Variants in AK7 observed in about 807,000 individuals in gnomAD.
AK7 encodes adenylate kinase 7.
Under a neutral mutation model 96.6 loss-of-function variants are expected in AK7, and 78 were observed. The ratio of observed to expected loss-of-function variants is 0.81; its 90% CI spans 0.67 to 0.97. The LOEUF is 0.97. AK7 is among the 50% of genes least tolerant of loss of function. AK7 has a pLI of 0.00. For missense variants in AK7, 855 were observed against 887.9 expected, an observed-to-expected ratio of 0.96 and a Z score of 0.47; for synonymous variants, 302 against 317.2, an observed-to-expected ratio of 0.95 and a Z score of 0.51.
At chr14:96,471,030 T>C (rs1362856917) in intron 12 of AK7, among the ~76,000 whole-genome samples, 2 of 152,176 alleles carry the variant, frequency 1.3e-5, no homozygotes, top group Admixed American at 1.3e-4. Context: ...TCACATCATG[T>C]TCAAAGTACA....
rs780592470 is a variant in AK7, at chr14:96,398,256, C to T, written c.287C>T (p.Thr96Met). ...DSPRPDFAVE[T>M]YSAISREDLL... ...CCGCGGCCTGACTTTGCGGTGGAGACGTACTCTGTAAGTCCCGGAGGCTCT... is the reference window on the plus strand; with the variant it reads ...CCGCGGCCTGACTTTGCGGTGGAGATGTACTCTGTAAGTCCCGGAGGCTCT... Residue 96 changes from threonine (T) to methionine (M), a missense_variant, in exon 2 of 18, where the codon ACG (threonine) becomes ATG (methionine). Coordinates refer to ENST00000267584, the MANE Select transcript of AK7 (RefSeq NM_152327.5). The T allele has an allele frequency of 4.3e-6, 7 of 1,612,872 alleles. No individual in the cohort carries two copies. Among genetic ancestry groups the T allele is most frequent in the Non-Finnish European group, 5.1e-6 (6 of 1,179,922 alleles).
chr14:96,453,875 G>A (rs1197239885), intron 10 of AK7, among the ~76,000 whole-genome samples: 5 of 152,066 alleles, frequency 3.3e-5, no homozygotes, highest in African/African-American at 7.2e-5. Flanking sequence ...GTTGACAGCC[G>A]GTTCTCAGGC....
At chr14:96,408,380 G>A (rs1209167975) in intron 3 of AK7, among the ~76,000 whole-genome samples, 2 of 152,316 alleles carry the variant, frequency 1.3e-5, no homozygotes, top group South Asian at 4.2e-4. Context: ...ACTGTGCCTC[G>A]GTTTCTGCAT....
intron 12 of AK7, among the ~76,000 whole-genome samples, chr14:96,467,235 T>G (rs1257512244): frequency 6.6e-6 from 1 of 152,092 alleles, no homozygotes; most frequent in Admixed American, 6.6e-5. Flanking sequence ...AACAAATTAG[T>G]GCAGTATGAA....
chr14:96,427,653 A>G (rs75022422), intron 5 of AK7, among the ~76,000 whole-genome samples: 2 of 152,320 alleles, frequency 1.3e-5, no homozygotes, highest in East Asian at 3.9e-4. Flanking sequence ...GATTGTTGAT[A>G]TCTTTCTCTA....
intron 16 of AK7, 122 bp from the exon 17 acceptor site, chr14:96,486,776 C>T (rs1895791029): frequency 1.3e-6 from 1 of 791,392 alleles, no homozygotes; most frequent in African/African-American, 1.8e-5. Flanking sequence ...ATTGGAAATG[C>T]CATCTGTATC....
intron 15 of AK7, 134 bp downstream of exon 15, chr14:96,478,796 A>G (rs565974206): frequency 1.9e-5 from 16 of 825,424 alleles, no homozygotes; most frequent in African/African-American, 3.4e-5. Flanking sequence ...AAGCCATGAA[A>G]TACACAGGGC....
chr14:96,427,240 C>T (rs374427452), intron 5 of AK7, among the ~76,000 whole-genome samples: 39 of 152,180 alleles, frequency 2.6e-4, no homozygotes, highest in African/African-American at 8.7e-4. Flanking sequence ...AGCGAAACTC[C>T]GTCTCAAAAA....
At chr14:96,460,370 T>G (rs1208168233) in intron 12 of AK7, among the ~76,000 whole-genome samples, 2 of 152,188 alleles carry the variant, frequency 1.3e-5, no homozygotes, top group Non-Finnish European at 2.9e-5. Context: ...TCTCTCCTCT[T>G]CCTTCCTCCT....
At chr14:96,424,135 T>C (rs1891879522) in intron 5 of AK7, 2 of 636,218 alleles carry the variant, frequency 3.1e-6, no homozygotes, top group Non-Finnish European at 3.0e-6. Flanking sequence ...CCCGTGCAGG[T>C]GACATGCAGC....
chr14:96,437,951 G>C lies in AK7; in HGVS notation c.690+36G>C, dbSNP rs150396858. 4.4e-3 allele frequency: 7,029 copies of C among 1,580,868 alleles called. 28 individuals are homozygous for C. The highest frequency in any genetic ancestry group is 5.8e-3 in the Middle Eastern group (35 of 6,000). On this transcript the variant is annotated intron_variant, in intron 6 of 17. Coordinates refer to ENST00000267584, the MANE Select transcript of AK7 (RefSeq NM_152327.5). ...CAATGATGACGTGGAATGTTTAAAA[G>C]TGTCTTACGATACAGATACGCAATT...
intron 12 of AK7, among the ~76,000 whole-genome samples, chr14:96,468,692 G>A (rs1295939380): frequency 6.6e-6 from 1 of 152,144 alleles, no homozygotes; most frequent in African/African-American, 2.4e-5. Context: ...AAGCCAGGTT[G>A]TCATCTCAAA....
intron 9 of AK7, among the ~76,000 whole-genome samples, chr14:96,450,943 T>C (rs1893566971): frequency 6.6e-6 from 1 of 151,694 alleles, no homozygotes; most frequent in African/African-American, 2.4e-5. Context: ...CCCAGCTAAT[T>C]TTTTGTATTT....
At chr14:96,469,480 G>T (rs1393410180) in intron 12 of AK7, among the ~76,000 whole-genome samples, 1 of 148,400 alleles carries the variant, frequency 6.7e-6, no homozygotes, top group Non-Finnish European at 1.5e-5. Flanking sequence ...AGCCAAGATT[G>T]CACCACTGCA....
intron 8 of AK7, among the ~76,000 whole-genome samples, chr14:96,447,366 G>T (rs111262708): frequency 0.039 from 5,986 of 152,096 alleles, 167 homozygotes; most frequent in South Asian, 0.065. Context: ...CCAGGCTGGA[G>T]TGCCGTGGTG....
chr14:96,463,241 C>T (rs377403869), intron 12 of AK7, among the ~76,000 whole-genome samples: 5 of 152,272 alleles, frequency 3.3e-5, no homozygotes, highest in South Asian at 4.1e-4. Context: ...ACATTGCGTT[C>T]TTTTCTGCTG....
At chr14:96,439,758 G>A (rs1326125943) in intron 6 of AK7, among the ~76,000 whole-genome samples, 1 of 151,878 alleles carries the variant, frequency 6.6e-6, no homozygotes, top group Non-Finnish European at 1.5e-5. Context: ...CAAATTGACC[G>A]CTAAATTTTT....
chr14:96,398,221 G>A lies in AK7; in HGVS notation c.252G>A (p.Lys84=), dbSNP rs749601390. ...GTFQIVGTLS[K]PDSPRPDFAV... ...TCCAGATTGTGGGCACGCTGTCCAA[G>A]CCTGACAGCCCGCGGCCTGACTTTG... Residue 84 remains lysine (K), a synonymous_variant, in exon 2 of 18, where the codon AAG becomes AAA. Coordinates refer to ENST00000267584, the MANE Select transcript of AK7 (RefSeq NM_152327.5). The A allele has an allele frequency of 5.6e-6, 9 of 1,613,802 alleles. No homozygotes were observed. The South Asian group carries it at 9.9e-5, about 18-fold the overall frequency.
rs1423947691 is a variant in AK7 at position 96,437,904 on chromosome 14, A to G, written c.679A>G (p.Thr227Ala). Residue 227 changes from threonine (T) to alanine (A), a missense_variant, in exon 6 of 18, where the codon ACA becomes GCA. Thr to Ala is a moderately conservative substitution (Grantham distance 58). Coordinates refer to ENST00000267584, the MANE Select transcript of AK7 (RefSeq NM_152327.5). ...QYGAEGGMLH[T>A]FFKMAWLGEI... Reference sequence around the variant, plus strand: ...TGGAGCGGAAGGAGGCATGTTACACACATTTTTTAAGGTATGGCTTTCAAT... The same window carrying G: ...TGGAGCGGAAGGAGGCATGTTACACGCATTTTTTAAGGTATGGCTTTCAAT... 3 of 1,613,562 alleles carry G rather than the reference A, an allele frequency of 1.9e-6. No homozygotes were observed. The highest frequency in any genetic ancestry group is 1.1e-5 in the South Asian group (1 of 90,968).
Sources: allele counts gnomAD v4.1 joint callset (sites outside exome capture counted in the v4.1 genomes callset), GRCh38; gene constraint gnomAD v4.1.1; transcripts MANE v1.5; gene names NCBI Gene and HGNC (gene_info 2026-07-23, HGNC 2026-07-21).